NR3C1: variants seen among roughly 807,000 people sequenced by gnomAD.
NR3C1 encodes the protein glucocorticoid receptor.
A neutral mutation model predicts 74.0 loss-of-function variants in NR3C1; 14 were observed. That is an observed-to-expected ratio of 0.19 (90% CI 0.12 to 0.30). The LOEUF is 0.30. Ranked by LOEUF, NR3C1 falls within the 10% of genes least tolerant of loss-of-function variation. NR3C1 has a pLI of 1.00. For synonymous variants in NR3C1, 308 were observed against 332.5 expected, an observed-to-expected ratio of 0.93 and a Z score of 0.80; for missense variants, 695 against 909.8, an observed-to-expected ratio of 0.76 and a Z score of 3.04.
chr5:143,400,841 A>T lies in NR3C1; in HGVS notation c.-2T>A. On this transcript the variant is annotated 5_prime_UTR_variant, in exon 2 of 9. Coordinates refer to ENST00000394464, the MANE Select transcript of NR3C1 (RefSeq NM_000176.3). ...AGTTAATGATTCTTTGGAGTCCATCAGTGAATATCAACTACAAAACAAAAA... is the reference window on the plus strand; with the variant it reads ...AGTTAATGATTCTTTGGAGTCCATCTGTGAATATCAACTACAAAACAAAAA... The T allele has an allele frequency of 6.2e-7, 1 of 1,613,116 alleles. No homozygotes were observed. The highest frequency in any genetic ancestry group is 8.5e-7 in the Non-Finnish European group (1 of 1,179,832).
chr5:143,316,912 G>A (rs757376758), intron 2 of NR3C1, among the ~76,000 whole-genome samples: 5 of 152,082 alleles, frequency 3.3e-5, no homozygotes, highest in Non-Finnish European at 7.4e-5. Context: ...ACATGTTCAG[G>A]CCACTCAACT....
At chr5:143,288,484 A>C (rs1815077044) in intron 7 of NR3C1, among the ~76,000 whole-genome samples, 1 of 151,632 alleles carries the variant, frequency 6.6e-6, no homozygotes, top group Admixed American at 6.6e-5. Flanking sequence ...CTATCCTAAT[A>C]AAAATTCTAT....
upstream of NR3C1, chr5:143,403,851 C>T (rs910751643): frequency 3.1e-6 from 3 of 970,794 alleles, no homozygotes; most frequent in Non-Finnish European, 2.4e-6. Flanking sequence ...CCGCGCGGGC[C>T]CCGCCACCCC....
intron 7 of NR3C1, 77 bp downstream of exon 7, chr5:143,295,383 T>C: frequency 1.9e-6 from 3 of 1,579,162 alleles, no homozygotes; most frequent in Non-Finnish European, 2.6e-6. Context: ...ATTAGTACTA[T>C]GTATATAAAT....
chr5:143,328,169 C>T (rs62375502), intron 2 of NR3C1, among the ~76,000 whole-genome samples: 24,282 of 152,308 alleles, frequency 0.16, 2,370 homozygotes, highest in Middle Eastern at 0.26. Context: ...GTGAAAGCTG[C>T]CAAAGCTTGG....
chr5:143,388,493 C>T (rs1156933613), intron 2 of NR3C1, among the ~76,000 whole-genome samples: 2 of 152,178 alleles, frequency 1.3e-5, no homozygotes, highest in African/African-American at 2.4e-5. Flanking sequence ...CGCTGGCATA[C>T]AGGAGTAAGC....
intron 2 of NR3C1, among the ~76,000 whole-genome samples, chr5:143,379,835 G>A (rs987911558): frequency 2.0e-5 from 3 of 152,182 alleles, no homozygotes; most frequent in South Asian, 2.1e-4. Context: ...GCTGAGATAA[G>A]TTCAGCTTGG....
chr5:143,287,475 T>C (rs1371406660), intron 7 of NR3C1, among the ~76,000 whole-genome samples: 1 of 152,008 alleles, frequency 6.6e-6, no homozygotes, highest in Admixed American at 6.6e-5. Context: ...CAAGGAAAAA[T>C]ATAAATTCTG....
At chr5:143,282,422 A>T in intron 8 of NR3C1, 146 bp downstream of exon 8, 1 of 791,790 alleles carries the variant, frequency 1.3e-6, no homozygotes, top group Non-Finnish European at 2.0e-6. Context: ...ACAAAACTGA[A>T]GTTCATAAGT....
chr5:143,307,668 T>C (rs1447892495), intron 4 of NR3C1, among the ~76,000 whole-genome samples: 2 of 151,848 alleles, frequency 1.3e-5, no homozygotes, highest in African/African-American at 4.8e-5. Context: ...ATAGGTAAAA[T>C]GAAAAAATGA....
chr5:143,305,306 A>G (rs975333249), intron 4 of NR3C1, among the ~76,000 whole-genome samples: 1 of 152,228 alleles, frequency 6.6e-6, no homozygotes, highest in African/African-American at 2.4e-5. Context: ...AGTCAAAACC[A>G]CAATGACACC....
At chr5:143,406,134 A>G (rs1460488433), upstream of NR3C1, among the ~76,000 whole-genome samples, 1 of 151,130 alleles carries the variant, frequency 6.6e-6, no homozygotes, top group African/African-American at 2.4e-5. Flanking sequence ...TATATTATAT[A>G]CATATATATG....
intron 4 of NR3C1, among the ~76,000 whole-genome samples, chr5:143,309,048 C>CT (rs776378360): frequency 1.1e-4 from 16 of 150,192 alleles, no homozygotes; most frequent in Non-Finnish European, 1.8e-4. Flanking sequence ...ATATGAAACT[C>CT]TAACTTATAA....
At chr5:143,363,298 A>C (rs868173802) in intron 2 of NR3C1, among the ~76,000 whole-genome samples, 1 of 152,186 alleles carries the variant, frequency 6.6e-6, no homozygotes, top group African/African-American at 2.4e-5. Context: ...CACCAACAAC[A>C]AATACTGGGG....
chr5:143,302,101 T>C (rs903483698), intron 4 of NR3C1, among the ~76,000 whole-genome samples: 6 of 152,126 alleles, frequency 3.9e-5, no homozygotes, highest in Admixed American at 6.5e-5. Flanking sequence ...GGTTCTGCCA[T>C]GTTGTAGCTG....
intron 7 of NR3C1, chr5:143,294,196 C>T: frequency 1.0e-6 from 1 of 984,982 alleles, no homozygotes; most frequent in Non-Finnish European, 1.2e-6. Flanking sequence ...CAGTCTTGTG[C>T]AACATCCATA....
intron 2 of NR3C1, among the ~76,000 whole-genome samples, chr5:143,390,670 C>T (rs1838069742): frequency 6.6e-6 from 1 of 152,156 alleles, no homozygotes; most frequent in Admixed American, 6.5e-5. Context: ...CTAAGCATCA[C>T]CCATTTCAGA....
At chr5:143,306,087 AAAAC>A (rs766978480) in intron 4 of NR3C1, among the ~76,000 whole-genome samples, 3 of 152,198 alleles carry the variant, frequency 2.0e-5, no homozygotes, top group African/African-American at 7.2e-5. Context: ...TTTCAAGAGA[AAAAC>A]AAGCAAGTTT....
chr5:143,428,998 G>A (rs1315005132), intron 1 of NR3C1, among the ~76,000 whole-genome samples: 1 of 152,190 alleles, frequency 6.6e-6, no homozygotes, highest in Non-Finnish European at 1.5e-5. Flanking sequence ...AGTTATAACT[G>A]CATGATACAG....
Sources: gnomAD v4.1 joint callset for allele counts (sites outside exome capture counted in the v4.1 genomes callset) on GRCh38, gnomAD v4.1.1 for gene constraint, MANE v1.5 for transcripts, NCBI Gene and HGNC (gene_info 2026-07-23, HGNC 2026-07-21) for gene names.